The following CNTN5 variants were observed in gnomAD, a reference collection of about 807,000 sequenced individuals.
The protein encoded by CNTN5 is contactin-5.
In CNTN5, 77 loss-of-function variants were observed where a neutral mutation model predicts 129.1. The ratio of observed to expected loss-of-function variants is 0.60; its 90% CI spans 0.50 to 0.72. The LOEUF (loss-of-function observed/expected upper bound fraction) is 0.72, where lower values mean the gene tolerates loss of function less well. Among genes scored for constraint, CNTN5 ranks in the 30% least tolerant of loss-of-function variants. The probability of loss-of-function intolerance (pLI) is 0.00; values close to 1 mark genes in which losing one functional copy is unlikely to be tolerated. For synonymous variants in CNTN5, 509 were observed against 465.6 expected, an observed-to-expected ratio of 1.09 and a Z score of -1.20; for missense variants, 1,478 against 1,328.8, an observed-to-expected ratio of 1.11 and a Z score of -1.75.
intron 17 of CNTN5, among the ~76,000 whole-genome samples, chr11:100,265,852 C>A (rs979627160): frequency 3.3e-5 from 5 of 152,110 alleles, no homozygotes; most frequent in African/African-American, 1.2e-4. Context: ...AAGCAAATGG[C>A]TTTTGACTTA....
intron 13 of CNTN5, among the ~76,000 whole-genome samples, chr11:100,106,497 G>A (rs1485277949): frequency 6.6e-6 from 1 of 152,070 alleles, no homozygotes; most frequent in East Asian, 1.9e-4. Flanking sequence ...AGGGAGGAGG[G>A]AATAAAGCAT....
At chr11:99,523,644 TAGAATAGAAC>T (rs879595768) in intron 2 of CNTN5, among the ~76,000 whole-genome samples, 4,809 of 81,852 alleles carry the variant, frequency 0.059, 100 homozygotes, top group Middle Eastern at 0.14. Context: ...TAGAATAGAA[TAGAATAGAAC>T]AGAACAGATC....
chr11:99,327,495 T>G (rs1333068520), intron 2 of CNTN5, among the ~76,000 whole-genome samples: 1 of 152,172 alleles, frequency 6.6e-6, no homozygotes, highest in African/African-American at 2.4e-5. Context: ...AGAGAACCTG[T>G]GGAATCAGGT....
intron 3 of CNTN5, among the ~76,000 whole-genome samples, chr11:99,643,109 A>G (rs996946440): frequency 6.6e-6 from 1 of 152,194 alleles, no homozygotes; most frequent in Admixed American, 6.5e-5. Context: ...CTTTGGATAT[A>G]TAAGGTTTTA....
intron 3 of CNTN5, among the ~76,000 whole-genome samples, chr11:99,638,117 A>G (rs537408686): frequency 1.3e-5 from 2 of 152,120 alleles, no homozygotes; most frequent in Admixed American, 1.3e-4. Flanking sequence ...AGTTCCACGT[A>G]CCTTGTGAGG....
At chr11:99,685,787 C>A in intron 3 of CNTN5, among the ~76,000 whole-genome samples, 1 of 151,910 alleles carries the variant, frequency 6.6e-6, no homozygotes, top group East Asian at 1.9e-4. Context: ...AATATATTTT[C>A]TGTTTAATTT....
At chr11:100,211,933 A>G (rs1949041442) in intron 15 of CNTN5, among the ~76,000 whole-genome samples, 1 of 152,156 alleles carries the variant, frequency 6.6e-6, no homozygotes, top group Admixed American at 6.5e-5. Context: ...AAGCACATAT[A>G]GACACACACT....
intron 10 of CNTN5, among the ~76,000 whole-genome samples, chr11:100,061,679 AAAAT>A (rs1943489954): frequency 6.6e-6 from 1 of 152,210 alleles, no homozygotes; most frequent in Non-Finnish European, 1.5e-5. Context: ...TGACAAGTTA[AAAAT>A]CTTGGAAAAC....
At chr11:100,273,525 C>T (rs1203294033) in intron 18 of CNTN5, among the ~76,000 whole-genome samples, 2 of 152,164 alleles carry the variant, frequency 1.3e-5, no homozygotes, top group East Asian at 3.9e-4. Flanking sequence ...ACAGCGGATC[C>T]TCCCCCACCT....
chr11:99,266,051 G>A (rs909191416), intron 1 of CNTN5, among the ~76,000 whole-genome samples: 1 of 152,026 alleles, frequency 6.6e-6, no homozygotes, highest in African/African-American at 2.4e-5. Context: ...GTTTGTCAGA[G>A]GAAGATGGAA....
At chr11:99,232,871 C>A (rs961735420) in intron 1 of CNTN5, among the ~76,000 whole-genome samples, 1 of 152,020 alleles carries the variant, frequency 6.6e-6, no homozygotes, top group East Asian at 1.9e-4. Flanking sequence ...CATCAAAAAC[C>A]GAGCTTCTAC....
Position 99,788,384 on chromosome 11 carries a change from G to A in CNTN5, c.56-31160G>A, listed in dbSNP as rs117553288. The stretch of plus-strand genomic sequence containing the variant: ...GCAATAAAAGCCAGTAGCTCTTAGA[G>A]GTGAACACGCTCAAAGACAGGACTT... On this transcript the variant is annotated intron_variant, in intron 3 of 24. Coordinates refer to ENST00000524871, the MANE Select transcript of CNTN5 (RefSeq NM_014361.4). Among the ~76,000 whole-genome samples, 25 of 151,990 alleles carry A rather than the reference G, an allele frequency of 1.6e-4. No individual in the cohort carries two copies. The East Asian group carries it at 4.8e-3, about 29-fold the overall frequency.
chr11:99,463,386 C>G (rs999508917), intron 2 of CNTN5, among the ~76,000 whole-genome samples: 1 of 129,534 alleles, frequency 7.7e-6, no homozygotes, highest in Non-Finnish European at 1.6e-5. Flanking sequence ...TACAGTGAGC[C>G]GAGATCGCGC....
At chr11:100,256,052 C>A in intron 17 of CNTN5, 134 bp downstream of exon 17, 1 of 789,952 alleles carries the variant, frequency 1.3e-6, no homozygotes, top group East Asian at 2.7e-5. Flanking sequence ...ATTGACAATT[C>A]TTTGCTTCTT....
At chr11:99,938,723 C>T (rs760755873) in intron 7 of CNTN5, among the ~76,000 whole-genome samples, 14 of 151,984 alleles carry the variant, frequency 9.2e-5, no homozygotes, top group African/African-American at 1.7e-4. Flanking sequence ...GACACCAAGC[C>T]GCAATCTACA....
At chr11:100,096,932 A>T (rs1945030684) in intron 13 of CNTN5, among the ~76,000 whole-genome samples, 1 of 152,102 alleles carries the variant, frequency 6.6e-6, no homozygotes, top group Non-Finnish European at 1.5e-5. Flanking sequence ...GTAGCTGGGG[A>T]ATAACAGAAT....
At chr11:99,218,604 G>T (rs537288324) in intron 1 of CNTN5, among the ~76,000 whole-genome samples, 2 of 151,910 alleles carry the variant, frequency 1.3e-5, no homozygotes, top group Non-Finnish European at 2.9e-5. Flanking sequence ...GCAATCAGGG[G>T]TATATCCAAT....
At chr11:100,199,558 G>T (rs1177800448) in intron 15 of CNTN5, among the ~76,000 whole-genome samples, 2 of 151,856 alleles carry the variant, frequency 1.3e-5, no homozygotes, top group African/African-American at 4.8e-5. Context: ...CACGAAGAAA[G>T]ATTACCTTCA....
chr11:100,308,172 T>A (rs1195395241), intron 20 of CNTN5, among the ~76,000 whole-genome samples, 187 bp from the exon 21 acceptor site: 1 of 151,792 alleles, frequency 6.6e-6, no homozygotes, highest in South Asian at 2.1e-4. Context: ...GGTAAGGTAT[T>A]GATGAGATTT....
Sources: gnomAD v4.1 joint callset for allele counts (sites outside exome capture counted in the v4.1 genomes callset) on GRCh38, gnomAD v4.1.1 for gene constraint, MANE v1.5 for transcripts, NCBI Gene and HGNC (gene_info 2026-07-23, HGNC 2026-07-21) for gene names.